PARP16: variants seen among roughly 807,000 people sequenced by gnomAD.
PARP16 encodes the protein poly(ADP-ribose) polymerase family member 16, also known as protein mono-ADP-ribosyltransferase PARP16.
PARP16 carries 31 observed loss-of-function variants against 35.0 expected under a neutral mutation model. That is an observed-to-expected ratio of 0.88 (90% CI 0.66 to 1.19). The LOEUF (loss-of-function observed/expected upper bound fraction) is 1.19. Ranked by LOEUF, PARP16 falls within the 50% of genes most tolerant of loss-of-function variation. PARP16 has a pLI of 0.00. For synonymous variants in PARP16, 162 were observed against 169.5 expected, an observed-to-expected ratio of 0.96 and a Z score of 0.34; for missense variants, 424 against 411.2, an observed-to-expected ratio of 1.03 and a Z score of -0.27.
At chr15:65,281,907 G>A (rs995403227) in intron 1 of PARP16, among the ~76,000 whole-genome samples, 2 of 152,192 alleles carry the variant, frequency 1.3e-5, no homozygotes, top group Non-Finnish European at 2.9e-5. Context: ...TGCAACCCTT[G>A]TGTTATAGGT....
At chr15:65,242,729 T>C (rs2089111836) in intron 3 of PARP16, among the ~76,000 whole-genome samples, 2 of 152,160 alleles carry the variant, frequency 1.3e-5, no homozygotes, top group Non-Finnish European at 1.5e-5. Flanking sequence ...TTTATTTATT[T>C]TTTGAGATGG....
At chr15:65,237,121 G>A (rs941833950) in intron 3 of PARP16, among the ~76,000 whole-genome samples, 4 of 152,134 alleles carry the variant, frequency 2.6e-5, no homozygotes, top group Admixed American at 6.5e-5. Flanking sequence ...GTCAGGCCTG[G>A]GAGGGCTGGG....
At chr15:65,285,207 G>A (rs1399094351) in intron 1 of PARP16, among the ~76,000 whole-genome samples, 6 of 119,892 alleles carry the variant, frequency 5.0e-5, no homozygotes, top group South Asian at 4.3e-4. Flanking sequence ...GCGCAATCTC[G>A]GCTCACCACA....
At chr15:65,245,781 T>C (rs2089195123) in intron 3 of PARP16, among the ~76,000 whole-genome samples, 1 of 152,116 alleles carries the variant, frequency 6.6e-6, no homozygotes, top group Non-Finnish European at 1.5e-5. Flanking sequence ...ACCCTGGCCG[T>C]CAGCAGCTAT....
chr15:65,262,294 G>A (rs894544085), intron 4 of PARP16, among the ~76,000 whole-genome samples: 7 of 151,954 alleles, frequency 4.6e-5, no homozygotes, highest in Admixed American at 2.6e-4. Context: ...CACCACACCC[G>A]GCTCATTTTT....
At chr15:65,273,670 G>C (rs2090159967) in intron 1 of PARP16, among the ~76,000 whole-genome samples, 2 of 152,084 alleles carry the variant, frequency 1.3e-5, no homozygotes, top group South Asian at 4.2e-4. Flanking sequence ...CCTGAGGTCG[G>C]GAGTTTGAAC....
At chr15:65,267,204 G>C (rs2089925137) in intron 2 of PARP16, among the ~76,000 whole-genome samples, 1 of 152,040 alleles carries the variant, frequency 6.6e-6, no homozygotes, top group African/African-American at 2.4e-5. Flanking sequence ...TCACGTCACT[G>C]TACTCCAGAC....
downstream of PARP16, among the ~76,000 whole-genome samples, chr15:65,256,649 C>T (rs1243649862): frequency 6.6e-6 from 1 of 152,080 alleles, no homozygotes; most frequent in African/African-American, 2.4e-5. Context: ...CGTCGTGATC[C>T]TCCCGTCTCG....
intron 3 of PARP16, among the ~76,000 whole-genome samples, chr15:65,244,406 G>A (rs113654952): frequency 0.049 from 7,452 of 152,246 alleles, 359 homozygotes; most frequent in African/African-American, 0.13. Flanking sequence ...CAATCATGGC[G>A]GAAGATGAAG....
At position 65,266,618 on chromosome 15, in the gene PARP16, G is replaced by T. The variant is rs374649627; in HGVS notation, c.463C>A (p.Arg155Ser). The T allele has an allele frequency of 2.5e-6, 4 of 1,613,926 alleles. No homozygotes were observed. In the South Asian group the frequency reaches 4.4e-5, roughly 18 times the overall value. ...RDLIYAFHGS[R>S]LENFHSIIHN... Reference sequence around the variant, plus strand: ...ATAATGGAATGGAAGTTTTCTAGGCGGCTACCATGAAATGCATAGATTAGG... The same window carrying T: ...ATAATGGAATGGAAGTTTTCTAGGCTGCTACCATGAAATGCATAGATTAGG... The change falls in exon 3 of 6, where the codon CGC becomes AGC. Residue 155 changes from arginine to serine, a missense_variant. Coordinates refer to ENST00000649807, the MANE Select transcript of PARP16 (RefSeq NM_001316943.2).
At chr15:65,268,998 G>T (rs565704452) in intron 2 of PARP16, among the ~76,000 whole-genome samples, 3 of 151,826 alleles carry the variant, frequency 2.0e-5, no homozygotes, top group South Asian at 4.2e-4. Context: ...CAAGTGATCC[G>T]CCTGCCTTGG....
chr15:65,242,818 G>A (rs1595983813), intron 3 of PARP16, among the ~76,000 whole-genome samples: 1 of 151,948 alleles, frequency 6.6e-6, no homozygotes, highest in Non-Finnish European at 1.5e-5. Flanking sequence ...AGGTTCAAGC[G>A]ATTCTCCTGC....
At chr15:65,266,522 C>T in intron 3 of PARP16, 40 bp downstream of exon 3, 1 of 1,542,114 alleles carries the variant, frequency 6.5e-7, no homozygotes, top group Non-Finnish European at 9.0e-7. Flanking sequence ...CACCTCCATC[C>T]CTGCTTCCCC....
downstream of PARP16, among the ~76,000 whole-genome samples, chr15:65,253,974 C>T (rs1197577088): frequency 6.6e-6 from 1 of 152,144 alleles, no homozygotes; most frequent in Non-Finnish European, 1.5e-5. Flanking sequence ...CACACCACCA[C>T]ACCCGGCTAA....
chr15:65,251,212 A>C (rs1194221327), intron 2 of PARP16, among the ~76,000 whole-genome samples: 1 of 152,098 alleles, frequency 6.6e-6, no homozygotes, highest in Non-Finnish European at 1.5e-5. Context: ...CACAGGTTTG[A>C]GTGCCTTGTG....
intron 3 of PARP16, among the ~76,000 whole-genome samples, chr15:65,240,503 G>A (rs1043027325): frequency 1.3e-5 from 2 of 152,070 alleles, no homozygotes; most frequent in Non-Finnish European, 2.9e-5. Flanking sequence ...AAGTACAGGC[G>A]CAAGCTGCTG....
intron 4 of PARP16, among the ~76,000 whole-genome samples, chr15:65,262,227 G>C (rs2089751377): frequency 6.6e-6 from 1 of 151,184 alleles, no homozygotes; most frequent in Admixed American, 6.6e-5. Context: ...CTGCCTCCTG[G>C]GATCAAGCGA....
At chr15:65,266,220 T>A (rs1001244354) in intron 3 of PARP16, among the ~76,000 whole-genome samples, 3 of 152,208 alleles carry the variant, frequency 2.0e-5, no homozygotes, top group Non-Finnish European at 4.4e-5. Context: ...CATCTGGGAT[T>A]TTTAAAAGCT....
chr15:65,268,064 C>T (rs1947125504), intron 2 of PARP16, among the ~76,000 whole-genome samples: 1 of 152,076 alleles, frequency 6.6e-6, no homozygotes, highest in South Asian at 2.1e-4. Flanking sequence ...TAAAAATTCC[C>T]TCTCATCCTT....
Sources: gnomAD v4.1 joint callset for allele counts (sites outside exome capture counted in the v4.1 genomes callset) on GRCh38, gnomAD v4.1.1 for gene constraint, MANE v1.5 for transcripts, NCBI Gene and HGNC (gene_info 2026-07-23, HGNC 2026-07-21) for gene names.